Variants in PHF24 observed in about 807,000 individuals in gnomAD.
PHF24 encodes Galpha inhibitory interacting protein.
Under a neutral mutation model 42.6 loss-of-function variants are expected in PHF24, and 25 were observed. The ratio of observed to expected loss-of-function variants is 0.59; its 90% CI spans 0.43 to 0.82. PHF24 has a LOEUF of 0.82. PHF24 is among the 40% of genes least tolerant of loss of function. The probability of loss-of-function intolerance (pLI) is 0.00; values close to 1 mark genes in which losing one functional copy is unlikely to be tolerated. For synonymous variants in PHF24, 185 were observed against 204.8 expected (o/e 0.90, Z 0.83); for missense variants, 470 against 538.1 (o/e 0.87, Z 1.25).
the PHF24 span, among the ~76,000 whole-genome samples, chr9:34,813,396 C>G: frequency 3.9e-5 from 6 of 152,266 alleles, no homozygotes; most frequent in South Asian, 1.2e-3. Flanking sequence ...TATCTTAAAA[C>G]AACATACAAT....
intron 1 of PHF24, among the ~76,000 whole-genome samples, chr9:34,970,259 G>A (rs929750479): frequency 6.6e-6 from 1 of 152,156 alleles, no homozygotes; most frequent in Admixed American, 6.5e-5. Flanking sequence ...CTGTGCTCTG[G>A]TACCACAGAG....
the PHF24 span, chr9:34,922,648 T>C: frequency 9.0e-7 from 1 of 1,107,584 alleles, no homozygotes; most frequent in Non-Finnish European, 1.4e-6. Context: ...TGCAGCTATC[T>C]CTTAGCTAGG....
chr9:34,915,827 G>T, the PHF24 span, among the ~76,000 whole-genome samples: 1 of 152,074 alleles, frequency 6.6e-6, no homozygotes, highest in Non-Finnish European at 1.5e-5. Context: ...TCTGTGTCCC[G>T]ACCCAAATCT....
chr9:34,710,177 C>T, the PHF24 span: 2 of 800,654 alleles, frequency 2.5e-6, no homozygotes, highest in Admixed American at 2.4e-5. Flanking sequence ...TAGCTAGACA[C>T]TTTCACTTCC....
At chr9:34,764,170 G>A in the PHF24 span, among the ~76,000 whole-genome samples, 1 of 152,132 alleles carries the variant, frequency 6.6e-6, no homozygotes, top group South Asian at 2.1e-4. Flanking sequence ...TTTTTTGGTT[G>A]TGTCTCTGCC....
the PHF24 span, among the ~76,000 whole-genome samples, chr9:34,754,565 G>T: frequency 2.0e-5 from 3 of 152,118 alleles, no homozygotes; most frequent in African/African-American, 4.8e-5. Context: ...GAAATAGCTG[G>T]CAAGGATGTG....
chr9:34,667,296 C>G, the PHF24 span, among the ~76,000 whole-genome samples: 1 of 152,226 alleles, frequency 6.6e-6, no homozygotes, highest in East Asian at 1.9e-4. Context: ...AATGGATACC[C>G]CTCTTCTCTC....
chr9:34,929,512 G>A, the PHF24 span, among the ~76,000 whole-genome samples: 6 of 152,028 alleles, frequency 3.9e-5, no homozygotes, highest in African/African-American at 1.4e-4. Flanking sequence ...AAATATTTGT[G>A]GGGAAAAAAA....
chr9:34,736,063 G>GT, the PHF24 span, among the ~76,000 whole-genome samples: 290 of 151,842 alleles, frequency 1.9e-3, no homozygotes, highest in Non-Finnish European at 3.4e-3. Flanking sequence ...ACCAGTAGTA[G>GT]TTTTTTTCCT....
At chr9:34,665,660 G>T in the PHF24 span, 5 of 701,098 alleles carry the variant, frequency 7.1e-6, no homozygotes, top group South Asian at 1.5e-5. Context: ...TTCCCGACAT[G>T]TCCTGGGCTC....
the PHF24 span, among the ~76,000 whole-genome samples, chr9:34,741,011 G>A: frequency 2.6e-5 from 4 of 151,774 alleles, no homozygotes; most frequent in Non-Finnish European, 5.9e-5. Flanking sequence ...TCAGCCTCCC[G>A]AGTAGCTGGA....
At chr9:34,875,471 TAGAG>T in the PHF24 span, among the ~76,000 whole-genome samples, 193 of 152,296 alleles carry the variant, frequency 1.3e-3, 1 homozygote, top group Non-Finnish European at 2.1e-3. Context: ...TAGAAAATAT[TAGAG>T]AGCATCACAT....
At chr9:34,789,496 A>G in the PHF24 span, among the ~76,000 whole-genome samples, 1 of 152,228 alleles carries the variant, frequency 6.6e-6, no homozygotes, top group African/African-American at 2.4e-5. Flanking sequence ...ACAGAAGCCC[A>G]TCTTGGCTGG....
rs1434232838 is a variant in PHF24 at position 34,977,067 on chromosome 9, G to T, written c.850-16G>T. 3.2e-6 allele frequency: 5 copies of T among 1,573,722 alleles called. No individual in the cohort carries two copies. In the African/African-American group the frequency reaches 4.1e-5, roughly 13 times the overall value. ...AAGATATCTTCACCTCTAAGATCTTGTCTCTTCTTCCCCAGAACTCTCTGT... is the reference window on the plus strand; with the variant it reads ...AAGATATCTTCACCTCTAAGATCTTTTCTCTTCTTCCCCAGAACTCTCTGT... On this transcript the variant is annotated splice_polypyrimidine_tract_variant and intron_variant, in intron 5 of 7. Coordinates refer to ENST00000242315, the Ensembl canonical transcript of PHF24.
chr9:34,899,198 C>T, the PHF24 span, among the ~76,000 whole-genome samples: 8 of 152,270 alleles, frequency 5.3e-5, no homozygotes, highest in African/African-American at 1.4e-4. Context: ...GAACAGCAAA[C>T]GAGGGAGATG....
the PHF24 span, among the ~76,000 whole-genome samples, chr9:34,670,923 T>G: frequency 6.6e-6 from 1 of 152,180 alleles, no homozygotes. Context: ...CAGACCTCCC[T>G]GGGCCTATCA....
the PHF24 span, among the ~76,000 whole-genome samples, chr9:34,879,249 A>T: frequency 1.3e-5 from 2 of 150,962 alleles, no homozygotes; most frequent in African/African-American, 2.5e-5. Context: ...AACCACAAAG[A>T]TGGGGAGAAA....
At chr9:34,774,376 G>C in the PHF24 span, among the ~76,000 whole-genome samples, 1 of 148,284 alleles carries the variant, frequency 6.7e-6, no homozygotes, top group South Asian at 2.2e-4. Flanking sequence ...CAGAATATAT[G>C]AAGAACTCCT....
chr9:34,833,938 C>T, the PHF24 span: 2 of 1,540,426 alleles, frequency 1.3e-6, no homozygotes, highest in African/African-American at 1.4e-5. Context: ...ACAGAGCAGG[C>T]AGCCCCGACA....
Sources: gnomAD v4.1 joint callset for allele counts (sites outside exome capture counted in the v4.1 genomes callset) on GRCh38, gnomAD v4.1.1 for gene constraint, MANE v1.5 for transcripts, NCBI Gene and HGNC (gene_info 2026-07-23, HGNC 2026-07-21) for gene names.